Variants in WWOX observed in about 807,000 individuals in gnomAD.
The protein encoded by WWOX is WW domain containing oxidoreductase, also known as WW domain-containing oxidoreductase.
Under a neutral mutation model 46.2 loss-of-function variants are expected in WWOX, and 69 were observed. That is an observed-to-expected ratio of 1.49 (90% confidence interval 1.23 to 1.82). WWOX has a LOEUF of 1.82. Among genes scored for constraint, WWOX ranks in the 40% most tolerant of loss-of-function variants. The pLI is 0.00. For missense variants in WWOX, 919 were observed against 542.6 expected, an observed-to-expected ratio of 1.69 and a Z score of -6.89; for synonymous variants, 359 against 202.6, an observed-to-expected ratio of 1.77 and a Z score of -6.56.
chr16:78,825,179 T>A (rs1428161647), intron 8 of WWOX: 1 of 156,936 alleles, frequency 6.4e-6, no homozygotes, highest in African/African-American at 2.4e-5. Context: ...CACCCAGGTG[T>A]GTTCCATGGG....
intron 8 of WWOX, among the ~76,000 whole-genome samples, chr16:78,465,934 G>A (rs1035793210): frequency 2.0e-5 from 3 of 152,174 alleles, no homozygotes; most frequent in South Asian, 4.1e-4. Flanking sequence ...ATGCAGAGTA[G>A]GCAAATTCAT....
At chr16:78,644,680 C>T (rs1217951480) in intron 8 of WWOX, among the ~76,000 whole-genome samples, 1 of 152,188 alleles carries the variant, frequency 6.6e-6, no homozygotes, top group East Asian at 1.9e-4. Context: ...CCAGGCTGGT[C>T]TGGAACTCCT....
chr16:78,123,440 G>GTTTTGTTTTGTTTTGTTTTTTTTTT (rs1567584444), intron 4 of WWOX: 1 of 50,500 alleles, frequency 2.0e-5, no homozygotes, highest in South Asian at 6.0e-4. Flanking sequence ...TTTTTGTTTT[G>GTTTTGTTTTGTTTTGTTTTTTTTTT]TTTTTTTTTT....
intron 8 of WWOX, among the ~76,000 whole-genome samples, chr16:79,076,066 T>G (rs1312942642): frequency 1.3e-5 from 2 of 152,184 alleles, no homozygotes; most frequent in African/African-American, 2.4e-5. Flanking sequence ...TCTTAGAAAT[T>G]TGTTACTTAG....
At chr16:78,995,122 C>T (rs1476400405) in intron 8 of WWOX, among the ~76,000 whole-genome samples, 2 of 152,028 alleles carry the variant, frequency 1.3e-5, no homozygotes, top group Admixed American at 1.3e-4. Context: ...TTTGTCTTGG[C>T]TCTGATCACT....
intron 8 of WWOX, among the ~76,000 whole-genome samples, chr16:78,956,793 C>T (rs548215142): frequency 6.6e-6 from 1 of 152,112 alleles, no homozygotes; most frequent in Non-Finnish European, 1.5e-5. Context: ...GTAGGGGAAA[C>T]AAAGAGGGCA....
intron 5 of WWOX, among the ~76,000 whole-genome samples, chr16:78,291,761 A>C (rs1038588657): frequency 2.0e-5 from 3 of 152,204 alleles, no homozygotes; most frequent in East Asian, 3.9e-4. Flanking sequence ...AGTTTGGGGC[A>C]TATTTCCAAG....
intron 8 of WWOX, among the ~76,000 whole-genome samples, chr16:78,484,290 G>C (rs2084573588): frequency 6.6e-6 from 1 of 152,100 alleles, no homozygotes; most frequent in African/African-American, 2.4e-5. Context: ...CTTAAAAATT[G>C]AAATTGTAGA....
intron 8 of WWOX, among the ~76,000 whole-genome samples, chr16:78,752,202 T>C (rs572427331): frequency 1.3e-5 from 2 of 152,360 alleles, no homozygotes; most frequent in East Asian, 1.9e-4. Flanking sequence ...CTTTAAGTAG[T>C]TGAGTGACTT....
chr16:78,354,594 C>A (rs2081247606), intron 5 of WWOX, among the ~76,000 whole-genome samples: 1 of 151,986 alleles, frequency 6.6e-6, no homozygotes, highest in South Asian at 2.1e-4. Flanking sequence ...CTTTTAAAGG[C>A]TTTTTATCAC....
At chr16:78,568,474 CT>C (rs200073404) in intron 8 of WWOX, among the ~76,000 whole-genome samples, 4,081 of 133,330 alleles carry the variant, frequency 0.031, 35 homozygotes, top group African/African-American at 0.039. Context: ...AAGCTTCCAA[CT>C]TTTTTTTTTT....
chr16:78,373,420 C>G (rs1054739622), intron 5 of WWOX, among the ~76,000 whole-genome samples: 1 of 152,106 alleles, frequency 6.6e-6, no homozygotes, highest in Non-Finnish European at 1.5e-5. Context: ...TATGGGGAAC[C>G]CAATTCATAT....
chr16:79,107,398 TTTTA>T (rs1354252325), intron 8 of WWOX, among the ~76,000 whole-genome samples: 5 of 152,196 alleles, frequency 3.3e-5, no homozygotes, highest in African/African-American at 9.6e-5. Flanking sequence ...CAAAATGACT[TTTTA>T]TTTGTTATTT....
At chr16:78,294,310 G>A (rs2151862507) in intron 5 of WWOX, among the ~76,000 whole-genome samples, 1 of 152,216 alleles carries the variant, frequency 6.6e-6, no homozygotes, top group African/African-American at 2.4e-5. Flanking sequence ...CAGAGGCACT[G>A]GTGCATATTT....
chr16:78,365,816 C>G (rs1034149670), intron 5 of WWOX, among the ~76,000 whole-genome samples: 2 of 152,116 alleles, frequency 1.3e-5, no homozygotes, highest in African/African-American at 2.4e-5. Flanking sequence ...ATTTCTGTGT[C>G]TTCATTTGCA....
At chr16:79,152,258 A>G (rs1203384533) in intron 8 of WWOX, among the ~76,000 whole-genome samples, 4 of 152,170 alleles carry the variant, frequency 2.6e-5, no homozygotes, top group East Asian at 1.9e-4. Context: ...TGAGGCAGAG[A>G]AGGGTACAGG....
At chr16:78,907,748 G>A (rs986583439) in intron 8 of WWOX, among the ~76,000 whole-genome samples, 13 of 152,178 alleles carry the variant, frequency 8.5e-5, no homozygotes, top group African/African-American at 2.9e-4. Context: ...GGGCCAGGAG[G>A]GTTTCTCTGA....
rs147001732 is a variant in WWOX at position 78,140,183 on chromosome 16, G to T, written c.410-24000G>T. ...GTAAAAATGGTTTGAGTAAAATGGA[G>T]CTGTGAGAATTTGAAGGGGTGCATG... On this transcript the variant is annotated intron_variant, in intron 4 of 8. Coordinates refer to ENST00000566780, the MANE Select transcript of WWOX (RefSeq NM_016373.4). Among the ~76,000 whole-genome samples, 10 of 152,278 alleles carry T rather than the reference G, an allele frequency of 6.6e-5. No homozygotes were observed. The East Asian group carries it at 1.7e-3, about 27-fold the overall frequency.
At chr16:78,474,080 T>A (rs2084298551) in intron 8 of WWOX, among the ~76,000 whole-genome samples, 3 of 152,338 alleles carry the variant, frequency 2.0e-5, no homozygotes, top group South Asian at 4.2e-4. Flanking sequence ...GGACGTCTTC[T>A]TTTATAACAG....
Sources: gnomAD v4.1 joint callset for allele counts (sites outside exome capture counted in the v4.1 genomes callset) on GRCh38, gnomAD v4.1.1 for gene constraint, MANE v1.5 for transcripts, NCBI Gene and HGNC (gene_info 2026-07-23, HGNC 2026-07-21) for gene names.